The following ATP6V1C2 variants were observed in gnomAD, a reference collection of about 807,000 sequenced individuals.
ATP6V1C2 encodes V-type proton ATPase subunit C 2.
In ATP6V1C2, 45 loss-of-function variants were observed where a neutral mutation model predicts 56.8. The ratio of observed to expected loss-of-function variants is 0.79; its 90% confidence interval spans 0.62 to 1.02. ATP6V1C2 has a LOEUF of 1.02. Ranked by LOEUF, ATP6V1C2 falls within the 50% of genes least tolerant of loss-of-function variation. The pLI is 0.00. For missense variants in ATP6V1C2, 463 were observed against 519.7 expected (o/e 0.89, Z 1.06); for synonymous variants, 220 against 201.3 (o/e 1.09, Z -0.79).
chr2:10,752,389 A>G (rs1449029027), intron 3 of ATP6V1C2, among the ~76,000 whole-genome samples: 1 of 152,160 alleles, frequency 6.6e-6, no homozygotes, highest in African/African-American at 2.4e-5. Context: ...CGTCTGCAGC[A>G]GTGGAAGACC....
In ATP6V1C2 at chr2:10,775,084, T is replaced by C. The variant is rs748811654; in HGVS notation, c.825+13T>C. ...GAAGCAACAGTATGTGAGTATGTGA[T>C]TGAGCAGCTCCTCCCGCCCCTACCC... On this transcript the variant is annotated intron_variant, in intron 10 of 13. Transcript: ENST00000272238. 5.6e-6 allele frequency: 9 copies of C among 1,604,468 alleles called. No individual in the cohort carries two copies. The highest frequency in any genetic ancestry group is 5.0e-5 in the Admixed American group (3 of 59,978).
chr2:10,753,864 C>G (rs1376633556), intron 3 of ATP6V1C2, 117 bp from the exon 4 acceptor site: 2 of 912,330 alleles, frequency 2.2e-6, no homozygotes. Flanking sequence ...CTTCATACAT[C>G]TTGCCAAATT....
intron 8 of ATP6V1C2, among the ~76,000 whole-genome samples, chr2:10,773,241 G>A (rs930301296): frequency 5.9e-5 from 9 of 152,186 alleles, no homozygotes; most frequent in Admixed American, 5.2e-4. Context: ...GGTGCACAAG[G>A]AATTGTGGGG....
At chr2:10,767,598 C>T (rs1269986806) in intron 5 of ATP6V1C2, among the ~76,000 whole-genome samples, 1 of 152,090 alleles carries the variant, frequency 6.6e-6, no homozygotes, top group African/African-American at 2.4e-5. Flanking sequence ...GCTGGGATTA[C>T]AGGCATCCAC....
At chr2:10,749,514 A>G (rs1475546538) in intron 3 of ATP6V1C2, among the ~76,000 whole-genome samples, 2 of 152,218 alleles carry the variant, frequency 1.3e-5, no homozygotes, top group African/African-American at 4.8e-5. Context: ...TTCAGACATC[A>G]GATTGGCAGA....
intron 3 of ATP6V1C2, among the ~76,000 whole-genome samples, chr2:10,740,189 T>G (rs1393987459): frequency 6.6e-6 from 1 of 152,184 alleles, no homozygotes; most frequent in Non-Finnish European, 1.5e-5. Flanking sequence ...ACTACTAACT[T>G]GTTTTCCAAT....
intron 3 of ATP6V1C2, among the ~76,000 whole-genome samples, chr2:10,753,777 C>T (rs1663357868): frequency 6.6e-6 from 1 of 152,042 alleles, no homozygotes; most frequent in Non-Finnish European, 1.5e-5. Flanking sequence ...GATCCGCCTG[C>T]CTTGGCCTCC....
At chr2:10,739,511 G>A (rs1185344348) in intron 3 of ATP6V1C2, among the ~76,000 whole-genome samples, 3 of 151,842 alleles carry the variant, frequency 2.0e-5, no homozygotes, top group East Asian at 3.9e-4. Context: ...ATCCTGCCTT[G>A]GTCCTATGCC....
intron 6 of ATP6V1C2, 135 bp downstream of exon 6, chr2:10,768,945 C>T: frequency 1.4e-6 from 1 of 696,930 alleles, no homozygotes; most frequent in Non-Finnish European, 2.5e-6. Flanking sequence ...GGTGGAGGCA[C>T]TCTCACCTCT....
At position 10,730,802 on chromosome 2, in the gene ATP6V1C2, G is replaced by A. The variant is rs191573029; in HGVS notation, c.197+4233G>A. Among the ~76,000 whole-genome samples the A allele has an allele frequency of 4.1e-3, 614 of 151,212 alleles. 7 individuals are homozygous for A. The highest frequency in any genetic ancestry group is 0.014 in the African/African-American group (562 of 41,122). On this transcript the variant is annotated intron_variant, in intron 3 of 13. Transcript: ENST00000272238. ...CGAGTAGCTGGGATTACAGGCATGC[G>A]CCACCATGCCTGGCTAATTCTGTGT... is the stretch of plus-strand genomic sequence containing the variant.
intron 6 of ATP6V1C2, 150 bp downstream of exon 6, chr2:10,768,960 G>T (rs1664407620): frequency 1.5e-6 from 1 of 658,518 alleles, no homozygotes; most frequent in African/African-American, 1.8e-5. Context: ...ACCTCTCCAA[G>T]AGCCGCGTGC....
At chr2:10,735,953 G>C (rs1451993536) in intron 3 of ATP6V1C2, among the ~76,000 whole-genome samples, 1 of 152,182 alleles carries the variant, frequency 6.6e-6, no homozygotes, top group African/African-American at 2.4e-5. Context: ...CCAGGATTCT[G>C]CATTTCTTGC....
rs1337791975 is a variant in ATP6V1C2 at position 10,783,806 on chromosome 2, A to G, written c.*543A>G. 6.4e-6 allele frequency: 1 copy of G among 156,774 alleles called. No homozygotes were observed. The highest frequency in any genetic ancestry group is 6.3e-5 in the Admixed American group (1 of 15,932). 9.7% of individuals were successfully genotyped at this position (156,774 alleles called of 1,614,324 possible). A position where few individuals can be genotyped will look rare whatever the true frequency, so the allele number is the denominator to read the frequency against. ...GTGTATCACTTCAAAATATTGATTT[A>G]CTGCTAAACATCACTCTGAATTTAT... On this transcript the variant is annotated 3_prime_UTR_variant, in exon 14 of 14. Coordinates refer to ENST00000272238, the MANE Select transcript of ATP6V1C2 (RefSeq NM_001039362.2).
Position 10,768,617 on chromosome 2 carries a change from AT to A in ATP6V1C2, c.379-97del, listed in dbSNP as rs1480698822. ...ATCCCAGCAAATGGGCAGGGCAGTT[AT>A]TTTTCTTGAAAGCACCATGAGCTGT... is the stretch of plus-strand genomic sequence containing the variant. On this transcript the variant is annotated intron_variant, in intron 5 of 13. Transcript: ENST00000272238. 15 of 951,730 alleles carry A rather than the reference AT, an allele frequency of 1.6e-5. No homozygotes were observed. In the East Asian group the frequency reaches 3.2e-4, roughly 20 times the overall value. The allele number at this position is 951,730 out of a possible 1,614,324, so 59.0% of individuals were successfully genotyped here.
intron 3 of ATP6V1C2, among the ~76,000 whole-genome samples, chr2:10,730,871 T>C (rs1180998657): frequency 6.6e-6 from 1 of 152,120 alleles, no homozygotes; most frequent in Admixed American, 6.5e-5. Flanking sequence ...CAGGCTGGTC[T>C]CAAACTCCCG....
chr2:10,774,255 C>T (rs1371263738), intron 8 of ATP6V1C2, among the ~76,000 whole-genome samples: 3 of 152,162 alleles, frequency 2.0e-5, no homozygotes, highest in Non-Finnish European at 4.4e-5. Flanking sequence ...CTCCCACTTC[C>T]AGTCTTCTGG....
At chr2:10,756,897 G>T (rs754115021) in intron 4 of ATP6V1C2, among the ~76,000 whole-genome samples, 5 of 150,972 alleles carry the variant, frequency 3.3e-5, no homozygotes, top group Non-Finnish European at 7.4e-5. Context: ...TCCCTGTCAT[G>T]AAGCAACGCA....
intron 3 of ATP6V1C2, among the ~76,000 whole-genome samples, chr2:10,727,664 C>T (rs933254074): frequency 2.0e-5 from 3 of 152,228 alleles, no homozygotes; most frequent in South Asian, 4.2e-4. Flanking sequence ...TTTGGGAGGC[C>T]GAGGCAGGTG....
intron 3 of ATP6V1C2, among the ~76,000 whole-genome samples, chr2:10,741,410 C>A (rs1662541610): frequency 7.4e-6 from 1 of 135,360 alleles, no homozygotes; most frequent in Non-Finnish European, 1.6e-5. Flanking sequence ...CCCAGGGGCT[C>A]CTGAGTCACC....
Sources: allele counts gnomAD v4.1 joint callset (sites outside exome capture counted in the v4.1 genomes callset), GRCh38; gene constraint gnomAD v4.1.1; transcripts MANE v1.5; gene names NCBI Gene and HGNC (gene_info 2026-07-23, HGNC 2026-07-21).